The following ZNF541 variants were observed in gnomAD, a reference collection of about 807,000 sequenced individuals.
The protein encoded by ZNF541 is zinc finger protein 541.
ZNF541 carries 23 observed loss-of-function variants against 123.5 expected under a neutral mutation model. The ratio of observed to expected loss-of-function variants is 0.19; its 90% confidence interval spans 0.13 to 0.26. The LOEUF (loss-of-function observed/expected upper bound fraction) is 0.26, where lower values mean the gene tolerates loss of function less well. Among genes scored for constraint, ZNF541 ranks in the 10% least tolerant of loss-of-function variants. The pLI, the probability that ZNF541 is intolerant of heterozygous loss-of-function variation, is 1.00. For missense variants in ZNF541, 1,612 were observed against 1,789.9 expected (o/e 0.90, Z 1.79); for synonymous variants, 751 against 754.5 (o/e 1.00, Z 0.08).
chr19:47,544,271 C>T lies in ZNF541; in HGVS notation c.2258G>A (p.Arg753Gln), dbSNP rs267605559. The T allele has an allele frequency of 6.4e-7, 1 of 1,551,590 alleles. No homozygotes were observed. The highest frequency in any genetic ancestry group is 8.7e-7 in the Non-Finnish European group (1 of 1,147,012). The stretch of plus-strand genomic sequence containing the variant: ...CTTCTCTTTCCGGAAGCCGGAGAAT[C>T]GCGGGGCCCTGGGGTTGCCCAAGAG... ...YRLLGNPRAP[R>Q]FSGFRKEKAK... The change falls in exon 5 of 17, where the codon CGA becomes CAA. Residue 753 changes from arginine (R) to glutamine (Q), a missense_variant. By Grantham distance (43) the Arg-to-Gln change is conservative. Coordinates refer to ENST00000391901, the MANE Select transcript of ZNF541 (RefSeq NM_001277075.3).
rs1229555249 is a variant in ZNF541, at chr19:47,545,434, C to T, written c.1095G>A (p.Pro365=). ...SRAAENGAPD[P]PEPEPDTALL... ...GCGCGGTATCTGGCTCCGGCTCTGG[C>T]GGGTCGGGGGCGCCGTTCTCGGCGG... Residue 365 remains proline, a synonymous_variant, in exon 5 of 17, where the codon CCG becomes CCA. Transcript: ENST00000391901. The surrounding 1 kb of genome is among the most constrained non-coding windows in gnomAD (Gnocchi z 7.5). 3 of 1,480,260 alleles carry T rather than the reference C, an allele frequency of 2.0e-6. No homozygotes were observed. The highest frequency in any genetic ancestry group is 1.8e-4 in the Middle Eastern group (1 of 5,626). The allele number at this position is 1,480,260 out of a possible 1,614,324, so 91.7% of individuals were successfully genotyped here.
At position 47,544,498 on chromosome 19, in the gene ZNF541, G is replaced by A. The variant is rs1347810415; in HGVS notation, c.2031C>T (p.Ala677=). The part of the protein sequence containing the change: ...PSRNPDISSL[A]KQLRSSKGTL... ...TCCCTTTAGAGGATCGCAGCTGCTTGGCCAGAGAAGAGATGTCTGGATTCC... is the reference window on the plus strand; with the variant it reads ...TCCCTTTAGAGGATCGCAGCTGCTTAGCCAGAGAAGAGATGTCTGGATTCC... Residue 677 remains alanine (A), a synonymous_variant, in exon 5 of 17, where the codon GCC becomes GCT. Coordinates refer to ENST00000391901, the MANE Select transcript of ZNF541 (RefSeq NM_001277075.3). 1 of 1,551,696 alleles carries A rather than the reference G, an allele frequency of 6.4e-7. No individual in the cohort carries two copies. The highest frequency in any genetic ancestry group is 2.0e-5 in the Admixed American group (1 of 50,996).
intron 2 of ZNF541, among the ~76,000 whole-genome samples, chr19:47,564,985 G>A (rs191336320): frequency 1.3e-5 from 2 of 152,092 alleles, no homozygotes; most frequent in East Asian, 1.9e-4. Context: ...AAAAAGGAAC[G>A]AAATAATGGC....
intron 2 of ZNF541, among the ~76,000 whole-genome samples, chr19:47,557,777 C>G (rs886685387): frequency 6.6e-6 from 1 of 151,472 alleles, no homozygotes; most frequent in Non-Finnish European, 1.5e-5. Flanking sequence ...AGCTTATAGA[C>G]TTTTACACAC....
In ZNF541 at chr19:47,522,165, C is replaced by T. The variant is rs537672614; in HGVS notation, c.3571-171G>A. 1.6e-4 allele frequency among the ~76,000 whole-genome samples: 25 copies of T among 152,260 alleles called. 1 individual carries two copies. In the South Asian group the frequency reaches 2.9e-3, roughly 18 times the overall value. ...AGGACCACAAAATCCTTCCTGGGGA[C>T]GAGGGCGTTCAAACTGGAGCCACAT... is the stretch of plus-strand genomic sequence containing the variant. On this transcript the variant is annotated intron_variant, in intron 14 of 16. Coordinates refer to ENST00000391901, the MANE Select transcript of ZNF541 (RefSeq NM_001277075.3).
chr19:47,567,898 A>T (rs1403724519), intron 2 of ZNF541, among the ~76,000 whole-genome samples: 1 of 152,206 alleles, frequency 6.6e-6, no homozygotes, highest in African/African-American at 2.4e-5. Context: ...AAAGTCTGAG[A>T]TTAATTTCTC....
At chr19:47,570,840 T>C (rs763902407) in intron 2 of ZNF541, among the ~76,000 whole-genome samples, 6 of 149,816 alleles carry the variant, frequency 4.0e-5, no homozygotes, top group Non-Finnish European at 7.4e-5. Context: ...CCCAGCTACT[T>C]GGGAGGCTGA....
chr19:47,544,749 G>T lies in ZNF541; in HGVS notation c.1780C>A (p.Gln594Lys). The T allele has an allele frequency of 2.0e-6, 3 of 1,502,198 alleles. No individual in the cohort carries two copies. Among genetic ancestry groups the T allele is most frequent in the Non-Finnish European group, 2.7e-6 (3 of 1,127,966 alleles). 93.1% of individuals were successfully genotyped at this position (1,502,198 alleles called of 1,614,324 possible). Residue 594 changes from glutamine (Q) to lysine (K), a missense_variant, in exon 5 of 17, where the codon CAG (glutamine) becomes AAG (lysine). This residue lies in a region of ZNF541 where 1,080 missense variants were observed against 1,013.8 expected (regional missense o/e 1.07). Transcript: ENST00000391901. The part of the protein sequence containing the change: ...EGKPAALRPL[Q>K]GPWPQQPPPL... ...GGGGGCTGCTGCGGCCACGGCCCCTGCAGCGGCCTCAGGGCGGCTGGTTTG... is the reference window on the plus strand; with the variant it reads ...GGGGGCTGCTGCGGCCACGGCCCCTTCAGCGGCCTCAGGGCGGCTGGTTTG...
chr19:47,522,070 G>T (rs923485669), intron 14 of ZNF541, 76 bp from the exon 15 acceptor site: 1 of 1,524,414 alleles, frequency 6.6e-7, no homozygotes, highest in Non-Finnish European at 8.8e-7. Flanking sequence ...TGGGCCGGCC[G>T]CCTCCTTTGG....
intron 3 of ZNF541, among the ~76,000 whole-genome samples, chr19:47,553,777 C>T (rs946225212): frequency 1.3e-5 from 2 of 151,996 alleles, no homozygotes; most frequent in East Asian, 1.9e-4. Context: ...TTATCTCAAG[C>T]GATCCGCCCA....
chr19:47,541,417 AAAAAAAT>A lies in ZNF541; in HGVS notation c.2404-473_2404-467del, dbSNP rs530078048. On this transcript the variant is annotated intron_variant, in intron 5 of 16. Coordinates refer to ENST00000391901, the MANE Select transcript of ZNF541 (RefSeq NM_001277075.3). ...GAGTGACAGTGAGACCCTGTCTCAA[AAAAAAAT>A]AAAAAATAAAAAATAAAAACTTTTG... Among the ~76,000 whole-genome samples, 85 of 152,282 alleles carry A rather than the reference AAAAAAAT, an allele frequency of 5.6e-4. 1 individual carries two copies. Among genetic ancestry groups the A allele is most frequent in the South Asian group, 1.2e-3 (6 of 4,826 alleles).
intron 9 of ZNF541, among the ~76,000 whole-genome samples, chr19:47,536,718 A>G (rs1482086852): frequency 6.6e-6 from 1 of 152,142 alleles, no homozygotes; most frequent in Non-Finnish European, 1.5e-5. Flanking sequence ...TGATCATACA[A>G]CTGCACTCCA....
chr19:47,537,869 T>C lies in ZNF541; in HGVS notation c.3094+273A>G, dbSNP rs778608891. Among the ~76,000 whole-genome samples the C allele has an allele frequency of 3.0e-4, 46 of 152,134 alleles. 1 individual carries two copies. Among genetic ancestry groups the C allele is most frequent in the Admixed American group, 1.9e-3 (29 of 15,254 alleles). On this transcript the variant is annotated intron_variant, in intron 9 of 16. Transcript: ENST00000391901. Reference sequence around the variant, plus strand: ...CAGCCTGGGTGACAGAGCAAGACCCTGCCTCAAAAAAGAAAAAGAAAATGA... The same window carrying C: ...CAGCCTGGGTGACAGAGCAAGACCCCGCCTCAAAAAAGAAAAAGAAAATGA...
intron 11 of ZNF541, 113 bp downstream of exon 11, chr19:47,532,015 G>C: frequency 7.2e-7 from 1 of 1,396,844 alleles, no homozygotes; most frequent in Non-Finnish European, 9.6e-7. Context: ...CCCACGCCCA[G>C]GGGACACTAC....
chr19:47,540,099 T>C (rs1156996138), intron 7 of ZNF541, 77 bp downstream of exon 7: 1 of 1,482,660 alleles, frequency 6.7e-7, no homozygotes, highest in African/African-American at 1.4e-5. Context: ...CTGAGATAAG[T>C]GACACCAATC....
chr19:47,523,385 A>T (rs1969139358), intron 14 of ZNF541, among the ~76,000 whole-genome samples: 1 of 151,500 alleles, frequency 6.6e-6, no homozygotes, highest in Non-Finnish European at 1.5e-5. Context: ...TTGCTCTAGG[A>T]AGAAAATTTC....
At chr19:47,570,261 G>C (rs569732156) in intron 2 of ZNF541, among the ~76,000 whole-genome samples, 2 of 140,496 alleles carry the variant, frequency 1.4e-5, no homozygotes, top group Middle Eastern at 4.5e-3. Context: ...GCGACAGAGC[G>C]AGACTCCATC....
At chr19:47,559,084 G>T (rs1970954818) in intron 2 of ZNF541, among the ~76,000 whole-genome samples, 1 of 149,622 alleles carries the variant, frequency 6.7e-6, no homozygotes, top group African/African-American at 2.4e-5. Context: ...GAAATAAAAA[G>T]ACTGGGCCAG....
chr19:47,553,890 A>C (rs539536444), intron 3 of ZNF541, among the ~76,000 whole-genome samples: 1 of 152,314 alleles, frequency 6.6e-6, no homozygotes, highest in African/African-American at 2.4e-5. Context: ...ACTTTGAGGA[A>C]AATATTCAAA....
Sources: allele counts gnomAD v4.1 joint callset (sites outside exome capture counted in the v4.1 genomes callset), GRCh38; gene constraint gnomAD v4.1.1; regional missense constraint gnomAD v4.1.1; non-coding constraint Gnocchi (gnomAD v3.1); transcripts MANE v1.5; gene names NCBI Gene and HGNC (gene_info 2026-07-23, HGNC 2026-07-21).